The following AGBL1 variants were observed in gnomAD, a reference collection of about 807,000 sequenced individuals.
AGBL1 encodes the protein cytosolic carboxypeptidase 4.
Under a neutral mutation model 118.9 loss-of-function variants are expected in AGBL1, and 130 were observed. The ratio of observed to expected loss-of-function variants is 1.09; its 90% CI spans 0.95 to 1.26. AGBL1 has a LOEUF of 1.26. AGBL1 is among the 50% of genes most tolerant of loss of function. The pLI is 0.00. For synonymous variants in AGBL1, 555 were observed against 478.9 expected (o/e 1.16, Z -2.08); for missense variants, 1,584 against 1,298.1 (o/e 1.22, Z -3.38).
chr15:86,426,157 T>G (rs1430704420), intron 18 of AGBL1, among the ~76,000 whole-genome samples: 1 of 152,180 alleles, frequency 6.6e-6, no homozygotes, highest in African/African-American at 2.4e-5. Flanking sequence ...ACTCTATATT[T>G]AGAACTTGAA....
intron 6 of AGBL1, among the ~76,000 whole-genome samples, chr15:86,231,717 C>T (rs112834997): frequency 2.2e-4 from 33 of 152,340 alleles, no homozygotes; most frequent in African/African-American, 4.6e-4. Flanking sequence ...AAGTAACTCA[C>T]ATCGTTAGTG....
At chr15:86,724,309 A>G (rs1235336924) in intron 22 of AGBL1, among the ~76,000 whole-genome samples, 1 of 152,016 alleles carries the variant, frequency 6.6e-6, no homozygotes, top group Non-Finnish European at 1.5e-5. Flanking sequence ...TGACAAGAAC[A>G]TCGGCAATAA....
At chr15:86,533,402 C>G (rs1347173255) in intron 19 of AGBL1, among the ~76,000 whole-genome samples, 1 of 109,258 alleles carries the variant, frequency 9.2e-6, no homozygotes, top group Non-Finnish European at 1.8e-5. Flanking sequence ...CAAATCAAAA[C>G]CACTATGAGA....
intron 19 of AGBL1, among the ~76,000 whole-genome samples, chr15:86,542,894 A>G (rs765778360): frequency 3.3e-5 from 5 of 152,150 alleles, no homozygotes; most frequent in Non-Finnish European, 5.9e-5. Context: ...TTTTACTTTC[A>G]ACCTATCTGT....
At chr15:86,386,283 C>CCTT (rs1310653803) in intron 17 of AGBL1, among the ~76,000 whole-genome samples, 1 of 85,660 alleles carries the variant, frequency 1.2e-5, no homozygotes, top group Non-Finnish European at 2.3e-5. Flanking sequence ...TCCTCCTCCT[C>CCTT]CTTCTTTGTA....
At chr15:86,287,549 C>T (rs1230442204) in intron 16 of AGBL1, among the ~76,000 whole-genome samples, 1 of 152,142 alleles carries the variant, frequency 6.6e-6, no homozygotes, top group Non-Finnish European at 1.5e-5. Flanking sequence ...AATTCTCATT[C>T]TTCCACATGT....
intron 22 of AGBL1, among the ~76,000 whole-genome samples, chr15:86,848,113 G>A (rs543034699): frequency 6.6e-6 from 1 of 152,156 alleles, no homozygotes; most frequent in South Asian, 2.1e-4. Flanking sequence ...GACCCACTCT[G>A]TTAGAACTAT....
At chr15:86,905,357 G>T (rs1478933290) in intron 22 of AGBL1, among the ~76,000 whole-genome samples, 1 of 152,160 alleles carries the variant, frequency 6.6e-6, no homozygotes, top group African/African-American at 2.4e-5. Context: ...GCACTAATAG[G>T]CAAGGGAGCA....
At chr15:86,644,851 CA>C (rs11434077) in intron 21 of AGBL1, among the ~76,000 whole-genome samples, 1,902 of 99,590 alleles carry the variant, frequency 0.019, 20 homozygotes, top group East Asian at 0.088. Flanking sequence ...ACTAAAAATA[CA>C]AAAAAAAAAA....
intron 5 of AGBL1, among the ~76,000 whole-genome samples, chr15:86,213,660 C>G (rs894537520): frequency 3.9e-5 from 6 of 152,074 alleles, no homozygotes; most frequent in Non-Finnish European, 7.4e-5. Context: ...CCACACTGTA[C>G]CCCTCTTTCC....
intron 18 of AGBL1, among the ~76,000 whole-genome samples, chr15:86,446,674 C>T (rs1211136992): frequency 1.3e-5 from 2 of 152,172 alleles, no homozygotes; most frequent in African/African-American, 4.8e-5. Context: ...TTCGACTCCC[C>T]TTAAAGATGC....
intron 21 of AGBL1, among the ~76,000 whole-genome samples, chr15:86,608,256 C>T (rs2084608124): frequency 6.6e-6 from 1 of 152,154 alleles, no homozygotes; most frequent in South Asian, 2.1e-4. Flanking sequence ...TCACAAACTA[C>T]AATAATCTCT....
intron 22 of AGBL1, among the ~76,000 whole-genome samples, chr15:86,862,980 G>A (rs1039607840): frequency 2.0e-5 from 3 of 152,192 alleles, no homozygotes; most frequent in African/African-American, 7.2e-5. Flanking sequence ...ACTGTGAGAG[G>A]ATGGACAAAT....
chr15:86,201,470 A>G (rs1403859962), intron 5 of AGBL1, among the ~76,000 whole-genome samples: 2 of 152,226 alleles, frequency 1.3e-5, no homozygotes, highest in East Asian at 3.9e-4. Context: ...AGTAGGAGCT[A>G]TCTTGAATAG....
At chr15:86,801,285 C>G (rs904345587) in intron 22 of AGBL1, among the ~76,000 whole-genome samples, 7 of 151,182 alleles carry the variant, frequency 4.6e-5, no homozygotes, top group Admixed American at 2.0e-4. Context: ...CATGTTTTTT[C>G]TTGGCTTATA....
At chr15:86,883,552 A>G (rs2079926051) in intron 22 of AGBL1, among the ~76,000 whole-genome samples, 1 of 152,116 alleles carries the variant, frequency 6.6e-6, no homozygotes, top group Admixed American at 6.5e-5. Context: ...CCATCTGCTG[A>G]GCTCCTAGGG....
At chr15:86,164,437 C>T (rs1329009250) in intron 5 of AGBL1, among the ~76,000 whole-genome samples, 1 of 152,198 alleles carries the variant, frequency 6.6e-6, no homozygotes, top group Non-Finnish European at 1.5e-5. Flanking sequence ...GCGAATGACT[C>T]ATCTTGTGAC....
intron 17 of AGBL1, among the ~76,000 whole-genome samples, chr15:86,318,239 A>T (rs376729352): frequency 6.6e-6 from 1 of 152,252 alleles, no homozygotes; most frequent in African/African-American, 2.4e-5. Flanking sequence ...TATGTAGAAC[A>T]TAAACATAAA....
chr15:86,086,950 T>G (rs950166257), intron 1 of AGBL1, among the ~76,000 whole-genome samples: 1 of 152,188 alleles, frequency 6.6e-6, no homozygotes, highest in Non-Finnish European at 1.5e-5. Flanking sequence ...TGTGAACAAA[T>G]GTATGCCTGT....
Sources: gnomAD v4.1 joint callset for allele counts (sites outside exome capture counted in the v4.1 genomes callset) on GRCh38, gnomAD v4.1.1 for gene constraint, MANE v1.5 for transcripts, NCBI Gene and HGNC (gene_info 2026-07-23, HGNC 2026-07-21) for gene names.